PPP1R9A: variants seen among roughly 807,000 people sequenced by gnomAD.
PPP1R9A encodes neurabin-1.
In PPP1R9A, 59 loss-of-function variants were observed where a neutral mutation model predicts 141.9. That is an observed-to-expected ratio of 0.42 (90% confidence interval 0.34 to 0.52). PPP1R9A has a LOEUF of 0.52. Among genes scored for constraint, PPP1R9A ranks in the 20% least tolerant of loss-of-function variants. The pLI is 0.10. For synonymous variants in PPP1R9A, 500 were observed against 569.7 expected (o/e 0.88, Z 1.74); for missense variants, 1,444 against 1,611.9 (o/e 0.90, Z 1.78).
At chr7:94,915,110 T>G (rs949367512) in intron 2 of PPP1R9A, among the ~76,000 whole-genome samples, 28 of 152,210 alleles carry the variant, frequency 1.8e-4, no homozygotes, top group African/African-American at 6.5e-4. Flanking sequence ...AGAGTTAATA[T>G]TGAGGTACAT....
intron 4 of PPP1R9A, 66 bp from the exon 5 acceptor site, chr7:95,161,801 A>C: frequency 1.9e-6 from 2 of 1,044,704 alleles, no homozygotes; most frequent in Non-Finnish European, 2.8e-6. Flanking sequence ...GATTTGTTGG[A>C]AATGATTATT....
At chr7:94,998,956 A>G (rs1034106313) in intron 2 of PPP1R9A, among the ~76,000 whole-genome samples, 1 of 152,124 alleles carries the variant, frequency 6.6e-6, no homozygotes, top group Non-Finnish European at 1.5e-5. Flanking sequence ...GGGTCTCACC[A>G]TGCTGCCAGG....
intron 4 of PPP1R9A, among the ~76,000 whole-genome samples, chr7:95,128,387 A>G (rs953643508): frequency 2.6e-5 from 4 of 152,028 alleles, no homozygotes; most frequent in Non-Finnish European, 5.9e-5. Flanking sequence ...TCAGTTGTTT[A>G]AGTTCTTTGT....
chr7:95,112,116 A>G (rs1820677368), intron 3 of PPP1R9A, among the ~76,000 whole-genome samples: 1 of 152,262 alleles, frequency 6.6e-6, no homozygotes, highest in East Asian at 1.9e-4. Flanking sequence ...ACCCAAGGAT[A>G]CTCAAGCATG....
intron 2 of PPP1R9A, among the ~76,000 whole-genome samples, chr7:95,106,751 C>T (rs1487120245): frequency 6.6e-6 from 1 of 152,150 alleles, no homozygotes; most frequent in East Asian, 1.9e-4. Context: ...ATGCTTTCCT[C>T]TTCAAAAGTA....
intron 2 of PPP1R9A, among the ~76,000 whole-genome samples, chr7:94,979,104 A>G (rs1259271162): frequency 6.6e-6 from 1 of 152,192 alleles, no homozygotes. Context: ...GCCAACATCA[A>G]CATTTGTAGT....
rs1279878220 is a variant in PPP1R9A, at chr7:95,173,721, T to TTAAAGAGACAGTTCATCAAG, written c.1754+11769_1754+11770insGTAAAGAGACAGTTCATCAA. Among the ~76,000 whole-genome samples, 32 of 152,116 alleles carry TTAAAGAGACAGTTCATCAAG rather than the reference T, an allele frequency of 2.1e-4. 1 individual carries two copies. Among genetic ancestry groups the TTAAAGAGACAGTTCATCAAG allele is most frequent in the African/African-American group, 7.0e-4 (29 of 41,544 alleles). On this transcript the variant is annotated intron_variant, in intron 5 of 19. Coordinates refer to ENST00000433360, the MANE Select transcript of PPP1R9A (RefSeq NM_001166160.2). ...AGTCCTATTAAAATGTACAAATCAC[T>TTAAAGAGACAGTTCATCAAG]TAAAGAGACAGTTCATCAAAGTAGA... is the stretch of plus-strand genomic sequence containing the variant.
chr7:94,990,239 T>C (rs2151421648), intron 2 of PPP1R9A, among the ~76,000 whole-genome samples: 1 of 152,264 alleles, frequency 6.6e-6, no homozygotes, highest in East Asian at 1.9e-4. Flanking sequence ...GCATCACAGC[T>C]CTTGTGATGA....
At chr7:95,272,408 AT>A (rs893007281) in intron 14 of PPP1R9A, among the ~76,000 whole-genome samples, 5 of 152,162 alleles carry the variant, frequency 3.3e-5, no homozygotes, top group African/African-American at 7.2e-5. Context: ...ATGTCTATGG[AT>A]TTTTTTATAT....
At chr7:94,933,833 C>G (rs1331521543) in intron 2 of PPP1R9A, among the ~76,000 whole-genome samples, 1 of 152,142 alleles carries the variant, frequency 6.6e-6, no homozygotes, top group Non-Finnish European at 1.5e-5. Flanking sequence ...CCTGTGTTTA[C>G]TGATGTAAGA....
chr7:95,178,679 A>G (rs1833258775), intron 5 of PPP1R9A, among the ~76,000 whole-genome samples: 1 of 152,198 alleles, frequency 6.6e-6, no homozygotes, highest in Non-Finnish European at 1.5e-5. Context: ...CCTCAATAAG[A>G]AACAAAACGG....
intron 8 of PPP1R9A, among the ~76,000 whole-genome samples, chr7:95,226,497 A>G (rs1314016986): frequency 1.3e-5 from 2 of 152,218 alleles, no homozygotes; most frequent in Non-Finnish European, 2.9e-5. Flanking sequence ...TAGGTTTCTA[A>G]TAAGCATCAG....
chr7:95,274,752 A>G (rs1802849628), intron 16 of PPP1R9A, among the ~76,000 whole-genome samples: 1 of 152,176 alleles, frequency 6.6e-6, no homozygotes, highest in Non-Finnish European at 1.5e-5. Flanking sequence ...TTCTGAGATT[A>G]TATAATTTTA....
intron 2 of PPP1R9A, among the ~76,000 whole-genome samples, chr7:95,024,255 G>C (rs1806466295): frequency 6.6e-6 from 1 of 152,166 alleles, no homozygotes; most frequent in South Asian, 2.1e-4. Context: ...ATATTCTGTT[G>C]ATTTGGGGTG....
chr7:95,241,571 G>A (rs1797472720), intron 8 of PPP1R9A, among the ~76,000 whole-genome samples: 1 of 152,000 alleles, frequency 6.6e-6, no homozygotes, highest in South Asian at 2.1e-4. Context: ...GGAAGGTACG[G>A]CGAGGCTGGC....
chr7:95,160,950 A>G (rs1205571991), intron 4 of PPP1R9A, among the ~76,000 whole-genome samples: 1 of 152,132 alleles, frequency 6.6e-6, no homozygotes, highest in Non-Finnish European at 1.5e-5. Context: ...GGTTGATTCC[A>G]TGTCTTTGCT....
intron 8 of PPP1R9A, among the ~76,000 whole-genome samples, chr7:95,243,163 G>A (rs766009855): frequency 1.1e-4 from 17 of 152,090 alleles, no homozygotes; most frequent in Non-Finnish European, 2.2e-4. Flanking sequence ...TAGGGTCCAC[G>A]TCTGGACAAA....
intron 2 of PPP1R9A, among the ~76,000 whole-genome samples, chr7:94,921,326 A>C (rs1046227153): frequency 6.6e-6 from 1 of 151,940 alleles, no homozygotes; most frequent in Non-Finnish European, 1.5e-5. Context: ...GGGCGCCTGT[A>C]GTCCCAGCTA....
chr7:95,248,634 ATC>A (rs1249533369), intron 9 of PPP1R9A, among the ~76,000 whole-genome samples: 5 of 152,150 alleles, frequency 3.3e-5, no homozygotes, highest in Admixed American at 3.3e-4. Flanking sequence ...TTTTAAAAAG[ATC>A]TCTTTTTCCC....
Sources: gnomAD v4.1 joint callset for allele counts (sites outside exome capture counted in the v4.1 genomes callset) on GRCh38, gnomAD v4.1.1 for gene constraint, MANE v1.5 for transcripts, NCBI Gene and HGNC (gene_info 2026-07-23, HGNC 2026-07-21) for gene names.